Variants in PLEKHB2 observed in about 807,000 individuals in gnomAD.
The protein encoded by PLEKHB2 is pleckstrin homology domain-containing family B member 2.
In PLEKHB2, 31 loss-of-function variants were observed where a neutral mutation model predicts 36.5. The ratio of observed to expected loss-of-function variants is 0.85; its 90% CI spans 0.64 to 1.15. The LOEUF (loss-of-function observed/expected upper bound fraction) is 1.15. Ranked by LOEUF, PLEKHB2 falls within the 50% of genes most tolerant of loss-of-function variation. The probability of loss-of-function intolerance (pLI) is 0.00; values close to 1 mark genes in which losing one functional copy is unlikely to be tolerated. For synonymous variants in PLEKHB2, 119 were observed against 112.0 expected (o/e 1.06, Z -0.39); for missense variants, 262 against 295.3 (o/e 0.89, Z 0.83).
At chr2:131,125,115 A>G (rs1696968181) in intron 2 of PLEKHB2, among the ~76,000 whole-genome samples, 1 of 152,164 alleles carries the variant, frequency 6.6e-6, no homozygotes, top group Non-Finnish European at 1.5e-5. Flanking sequence ...GAAAGATATT[A>G]TTTTTATTTG....
intron 2 of PLEKHB2, among the ~76,000 whole-genome samples, chr2:131,124,794 T>G (rs1414959115): frequency 6.6e-6 from 1 of 151,952 alleles, no homozygotes; most frequent in Non-Finnish European, 1.5e-5. Context: ...TTTTTTCTTT[T>G]TTTTTTTTGG....
intron 1 of PLEKHB2, among the ~76,000 whole-genome samples, chr2:131,113,652 G>T (rs1267120890): frequency 2.0e-5 from 3 of 152,188 alleles, no homozygotes; most frequent in African/African-American, 4.8e-5. Context: ...CCAGTTGTCA[G>T]TATCAGTGAG....
intron 4 of PLEKHB2, among the ~76,000 whole-genome samples, chr2:131,127,744 A>G (rs1342372898): frequency 1.3e-5 from 2 of 152,254 alleles, no homozygotes; most frequent in African/African-American, 4.8e-5. Flanking sequence ...CCCGAATCCC[A>G]GAAGCAGTGA....
At chr2:131,140,100 G>T in intron 6 of PLEKHB2, 67 bp from the exon 7 acceptor site, 1 of 917,318 alleles carries the variant, frequency 1.1e-6, no homozygotes, top group South Asian at 1.5e-5. Context: ...GCAACCTGGA[G>T]ACCACAATTT....
At chr2:131,117,242 G>A (rs1695980899) in intron 1 of PLEKHB2, among the ~76,000 whole-genome samples, 1 of 152,088 alleles carries the variant, frequency 6.6e-6, no homozygotes, top group Non-Finnish European at 1.5e-5. Flanking sequence ...CCTGGCCAAC[G>A]TGGCGAAATC....
intron 3 of PLEKHB2, 95 bp downstream of exon 3, chr2:131,126,000 A>G (rs1697063512): frequency 1.6e-6 from 2 of 1,259,280 alleles, no homozygotes; most frequent in East Asian, 2.4e-5. Context: ...GCTTTCATTA[A>G]CAGATTGAAG....
At chr2:131,137,215 G>A (rs1233895843) in intron 6 of PLEKHB2, among the ~76,000 whole-genome samples, 3 of 152,162 alleles carry the variant, frequency 2.0e-5, no homozygotes, top group Non-Finnish European at 2.9e-5. Context: ...CCAGAGTGCT[G>A]GGATTACAGG....
chr2:131,111,142 C>G (rs1206654949), intron 1 of PLEKHB2, among the ~76,000 whole-genome samples: 1 of 151,522 alleles, frequency 6.6e-6, no homozygotes, highest in Non-Finnish European at 1.5e-5. Flanking sequence ...GTAGCTGGGA[C>G]TACAAGTGCG....
intron 1 of PLEKHB2, chr2:131,120,533 A>G (rs1463577752): frequency 3.2e-5 from 8 of 248,006 alleles, no homozygotes; most frequent in Non-Finnish European, 6.3e-5. Context: ...CACTGCTGAC[A>G]CCAGTGCAGC....
At chr2:131,136,432 A>G (rs1336373853) in intron 6 of PLEKHB2, among the ~76,000 whole-genome samples, 1 of 150,944 alleles carries the variant, frequency 6.6e-6, no homozygotes, top group Non-Finnish European at 1.5e-5. Flanking sequence ...GTGGTCTTGA[A>G]CTCCTGGCCT....
At position 131,113,451 on chromosome 2, in the gene PLEKHB2, T is replaced by A. The variant is rs146507473; in HGVS notation, c.-8-7483T>A. On this transcript the variant is annotated intron_variant, in intron 1 of 7. Transcript: ENST00000693505. ...TGGTCACAGAAGTCTTCTATGTTGA[T>A]TGTTGTGACGTGAGAGCAGAGGAAA... 2.1e-4 allele frequency among the ~76,000 whole-genome samples: 32 copies of A among 152,306 alleles called. No individual in the cohort carries two copies. In the East Asian group the frequency reaches 4.4e-3, roughly 21 times the overall value.
intron 6 of PLEKHB2, among the ~76,000 whole-genome samples, chr2:131,136,849 T>G (rs1340487864): frequency 6.6e-6 from 1 of 151,798 alleles, no homozygotes; most frequent in East Asian, 1.9e-4. Context: ...TCTTTAAAAT[T>G]TGGTAGAAAT....
chr2:131,113,247 G>A (rs1695511206), intron 1 of PLEKHB2, among the ~76,000 whole-genome samples: 2 of 152,024 alleles, frequency 1.3e-5, no homozygotes, highest in African/African-American at 2.4e-5. Context: ...ATGCCCCGCT[G>A]ATTTTTGTAT....
intron 1 of PLEKHB2, among the ~76,000 whole-genome samples, chr2:131,117,746 ACC>A (rs35457860): frequency 0.047 from 7,170 of 151,980 alleles, 548 homozygotes; most frequent in African/African-American, 0.16. Flanking sequence ...TGGGTTAATA[ACC>A]CCACTGCACA....
chr2:131,119,238 G>A (rs1696213116), intron 1 of PLEKHB2, among the ~76,000 whole-genome samples: 2 of 151,864 alleles, frequency 1.3e-5, no homozygotes, highest in African/African-American at 2.4e-5. Context: ...CCTGGACATC[G>A]CAGCAAGAAT....
intron 5 of PLEKHB2, among the ~76,000 whole-genome samples, chr2:131,132,679 T>C (rs980902698): frequency 6.6e-6 from 1 of 152,184 alleles, no homozygotes; most frequent in African/African-American, 2.4e-5. Flanking sequence ...TGTAGTCCTG[T>C]TAGGGGCCGA....
intron 6 of PLEKHB2, among the ~76,000 whole-genome samples, chr2:131,137,595 A>G (rs1484383312): frequency 6.6e-6 from 1 of 152,230 alleles, no homozygotes; most frequent in Non-Finnish European, 1.5e-5. Flanking sequence ...TGCAGAGTCT[A>G]TAGTAAAAAT....
intron 2 of PLEKHB2, among the ~76,000 whole-genome samples, chr2:131,123,602 G>A (rs1696747786): frequency 6.6e-6 from 1 of 152,010 alleles, no homozygotes; most frequent in Non-Finnish European, 1.5e-5. Context: ...TCAACTTACT[G>A]CAACCTCTGC....
chr2:131,113,201 G>A (rs1695503520), intron 1 of PLEKHB2, among the ~76,000 whole-genome samples: 1 of 151,752 alleles, frequency 6.6e-6, no homozygotes, highest in Non-Finnish European at 1.5e-5. Flanking sequence ...TCTTACCTCA[G>A]CCCCCCAGTA....
Sources: allele counts gnomAD v4.1 joint callset (sites outside exome capture counted in the v4.1 genomes callset), GRCh38; gene constraint gnomAD v4.1.1; transcripts MANE v1.5; gene names NCBI Gene and HGNC (gene_info 2026-07-23, HGNC 2026-07-21).